The following LRRC4C variants were observed in gnomAD, a reference collection of about 807,000 sequenced individuals.
The protein encoded by LRRC4C is leucine rich repeat containing 4C.
Under a neutral mutation model 33.6 loss-of-function variants are expected in LRRC4C, and 5 were observed. That is an observed-to-expected ratio of 0.15 (90% CI 0.08 to 0.31). The LOEUF is 0.31. Ranked by LOEUF, LRRC4C falls within the 10% of genes least tolerant of loss-of-function variation. The probability of loss-of-function intolerance (pLI) is 1.00; values close to 1 mark genes in which losing one functional copy is unlikely to be tolerated. For missense variants in LRRC4C, 560 were observed against 796.7 expected (o/e 0.70, Z 3.58); for synonymous variants, 329 against 302.0 (o/e 1.09, Z -0.93).
chr11:41,402,569 C>A (rs1195901021), intron 1 of LRRC4C, among the ~76,000 whole-genome samples: 1 of 151,984 alleles, frequency 6.6e-6, no homozygotes, highest in Non-Finnish European at 1.5e-5. Context: ...TAAGTAAATA[C>A]ATTTTATTAT....
chr11:40,657,624 G>T (rs972246780), intron 2 of LRRC4C, among the ~76,000 whole-genome samples: 2 of 152,288 alleles, frequency 1.3e-5, no homozygotes, highest in Non-Finnish European at 2.9e-5. Context: ...TCCCAGATTG[G>T]AGTCTTCCCG....
chr11:40,563,046 C>G (rs541123316), intron 3 of LRRC4C, among the ~76,000 whole-genome samples: 1 of 151,912 alleles, frequency 6.6e-6, no homozygotes, highest in East Asian at 1.9e-4. Flanking sequence ...TCCTCAGGTA[C>G]TTTCCGCAGT....
chr11:41,450,660 T>C (rs199709806), intron 1 of LRRC4C, among the ~76,000 whole-genome samples: 1 of 152,110 alleles, frequency 6.6e-6, no homozygotes, highest in Non-Finnish European at 1.5e-5. Context: ...TTTTAATATA[T>C]CATCTGAAAT....
chr11:40,373,036 G>T (rs1948518734), intron 3 of LRRC4C, among the ~76,000 whole-genome samples: 1 of 152,074 alleles, frequency 6.6e-6, no homozygotes, highest in Admixed American at 6.6e-5. Flanking sequence ...TGGTGAGCTA[G>T]TTCTTCCTAT....
chr11:41,052,171 CAAT>C (rs1465573800), intron 1 of LRRC4C, among the ~76,000 whole-genome samples: 15 of 152,014 alleles, frequency 9.9e-5, no homozygotes, highest in African/African-American at 3.6e-4. Context: ...ACAATGATTA[CAAT>C]AATTAGAAGA....
intron 1 of LRRC4C, among the ~76,000 whole-genome samples, chr11:41,128,917 A>C (rs1243243281): frequency 6.6e-6 from 1 of 151,992 alleles, no homozygotes; most frequent in African/African-American, 2.4e-5. Context: ...CACTTGTTTA[A>C]CTTGAACTTA....
intron 5 of LRRC4C, among the ~76,000 whole-genome samples, chr11:40,206,605 C>T (rs1223965955): frequency 1.3e-5 from 2 of 152,156 alleles, no homozygotes; most frequent in African/African-American, 2.4e-5. Context: ...ATAATCCCTC[C>T]TGAATGGTGA....
chr11:40,248,176 C>G (rs1327045136), intron 4 of LRRC4C, among the ~76,000 whole-genome samples: 1 of 152,114 alleles, frequency 6.6e-6, no homozygotes, highest in Non-Finnish European at 1.5e-5. Context: ...TCTTCTGGGT[C>G]AAGTTCCAAT....
intron 5 of LRRC4C, among the ~76,000 whole-genome samples, chr11:40,218,610 G>GCATCTATCTATCTATC (rs1554977085): frequency 1.5e-5 from 1 of 67,554 alleles, no homozygotes; most frequent in Middle Eastern, 0.01. Context: ...ATGTATGTAT[G>GCATCTATCTATCTATC]TATGTATGTA....
chr11:40,457,935 C>T (rs1952211930), intron 3 of LRRC4C, among the ~76,000 whole-genome samples: 1 of 152,104 alleles, frequency 6.6e-6, no homozygotes, highest in African/African-American at 2.4e-5. Context: ...AAATTCTCAC[C>T]TGGTTATGTG....
At chr11:41,375,396 T>C (rs1280601966) in intron 1 of LRRC4C, among the ~76,000 whole-genome samples, 1 of 152,146 alleles carries the variant, frequency 6.6e-6, no homozygotes. Flanking sequence ...GCATCACCTC[T>C]AGACTGAACC....
intron 3 of LRRC4C, among the ~76,000 whole-genome samples, chr11:40,643,609 C>T (rs1942253023): frequency 6.6e-6 from 1 of 152,124 alleles, no homozygotes; most frequent in African/African-American, 2.4e-5. Flanking sequence ...AATAATGACA[C>T]CAATACCCAA....
intron 2 of LRRC4C, among the ~76,000 whole-genome samples, chr11:40,877,529 C>T (rs1163376579): frequency 1.3e-5 from 2 of 152,246 alleles, no homozygotes; most frequent in East Asian, 1.9e-4. Flanking sequence ...TTCATCAATT[C>T]ACCGAGTTAT....
chr11:41,322,605 T>A (rs1263932828), intron 1 of LRRC4C, among the ~76,000 whole-genome samples: 1 of 152,196 alleles, frequency 6.6e-6, no homozygotes, highest in Non-Finnish European at 1.5e-5. Flanking sequence ...CCCGAAATTA[T>A]AATTCTTTAA....
intron 1 of LRRC4C, among the ~76,000 whole-genome samples, chr11:41,033,955 TAAAAG>T (rs1035909367): frequency 3.5e-4 from 54 of 152,114 alleles, no homozygotes; most frequent in South Asian, 2.9e-3. Flanking sequence ...TGACAAAAAA[TAAAAG>T]AAAATTACCA....
chr11:40,569,315 C>T (rs1957884232), intron 3 of LRRC4C, among the ~76,000 whole-genome samples: 1 of 152,088 alleles, frequency 6.6e-6, no homozygotes, highest in African/African-American at 2.4e-5. Flanking sequence ...GATGAAGTTT[C>T]TCATCTGTAA....
chr11:40,141,824 T>C (rs1286521654), intron 5 of LRRC4C, among the ~76,000 whole-genome samples: 1 of 152,250 alleles, frequency 6.6e-6, no homozygotes, highest in South Asian at 2.1e-4. Context: ...GGCATTTTAC[T>C]GTATTAGATG....
At chr11:41,393,323 C>T (rs529427398) in intron 1 of LRRC4C, among the ~76,000 whole-genome samples, 4 of 151,796 alleles carry the variant, frequency 2.6e-5, no homozygotes, top group Non-Finnish European at 5.9e-5. Flanking sequence ...ACCAAAAAGG[C>T]CTTTTTCCTT....
intron 1 of LRRC4C, chr11:41,426,556 T>C (rs1180251572): frequency 6.6e-6 from 1 of 152,218 alleles, no homozygotes; most frequent in Non-Finnish European, 1.5e-5. Context: ...GCATTGTGAT[T>C]AGGCAAGAGT....
Sources: gnomAD v4.1 joint callset for allele counts (sites outside exome capture counted in the v4.1 genomes callset) on GRCh38, gnomAD v4.1.1 for gene constraint, MANE v1.5 for transcripts, NCBI Gene and HGNC (gene_info 2026-07-23, HGNC 2026-07-21) for gene names.